The following TMEFF2 variants were observed in gnomAD, a reference collection of about 807,000 sequenced individuals.
TMEFF2 encodes the protein transmembrane protein with EGF like and two follistatin like domains 2.
A neutral mutation model predicts 53.8 loss-of-function variants in TMEFF2; 28 were observed. The observed-to-expected ratio is 0.52, with a 90% CI of 0.39 to 0.71. The LOEUF (loss-of-function observed/expected upper bound fraction) is 0.71. TMEFF2 is among the 30% of genes least tolerant of loss of function. The pLI is 0.00. For missense variants in TMEFF2, 353 were observed against 455.2 expected (o/e 0.78, Z 2.04); for synonymous variants, 162 against 166.3 (o/e 0.97, Z 0.20).
At chr2:192,136,626 G>A (rs150340008) in intron 4 of TMEFF2, among the ~76,000 whole-genome samples, 19 of 152,012 alleles carry the variant, frequency 1.2e-4, no homozygotes, top group African/African-American at 2.4e-4. Flanking sequence ...CATTCTTTGC[G>A]GATTATTTCT....
intron 4 of TMEFF2, among the ~76,000 whole-genome samples, chr2:192,093,170 T>C (rs1235229940): frequency 6.6e-6 from 1 of 152,162 alleles, no homozygotes; most frequent in African/African-American, 2.4e-5. Context: ...GATGCTCTCC[T>C]TACCCAGTGT....
chr2:192,028,101 A>G (rs986462804), intron 5 of TMEFF2: 3 of 151,378 alleles, frequency 2.0e-5, no homozygotes, highest in Non-Finnish European at 4.4e-5. Context: ...GTGATAGTGA[A>G]TGAGTCTCAT....
chr2:192,012,633 T>C (rs1686656446), intron 5 of TMEFF2, among the ~76,000 whole-genome samples: 1 of 152,220 alleles, frequency 6.6e-6, no homozygotes, highest in Non-Finnish European at 1.5e-5. Context: ...TTCTCTAATT[T>C]AGGATTTTTT....
chr2:192,144,660 A>C (rs1366983326), intron 4 of TMEFF2, among the ~76,000 whole-genome samples: 1 of 152,104 alleles, frequency 6.6e-6, no homozygotes, highest in Non-Finnish European at 1.5e-5. Flanking sequence ...GAGCAAAAGC[A>C]AATGACAAAA....
chr2:191,950,016 A>T lies in TMEFF2; in HGVS notation c.*295T>A. 9.0e-7 allele frequency: 1 copy of T among 1,116,708 alleles called. No homozygotes were observed. The highest frequency in any genetic ancestry group is 1.1e-6 in the Non-Finnish European group (1 of 908,210). 69.2% of individuals were successfully genotyped at this position (1,116,708 alleles called of 1,614,324 possible). A position where few individuals can be genotyped will look rare whatever the true frequency, so the allele number is the denominator to read the frequency against. The stretch of plus-strand genomic sequence containing the variant: ...AGATACCGCAAATTTAAGAATGCCA[A>T]TTTTTTCTCATCACTGAGTATTTAT... On this transcript the variant is annotated 3_prime_UTR_variant, in exon 10 of 10. Transcript: ENST00000272771.
chr2:192,053,907 C>T (rs918115274), intron 5 of TMEFF2, among the ~76,000 whole-genome samples: 1 of 152,252 alleles, frequency 6.6e-6, no homozygotes, highest in African/African-American at 2.4e-5. Context: ...AATATGTTAA[C>T]ATACAAAGGT....
At chr2:192,016,375 A>G (rs575385618) in intron 5 of TMEFF2, among the ~76,000 whole-genome samples, 1 of 152,336 alleles carries the variant, frequency 6.6e-6, no homozygotes, top group East Asian at 1.9e-4. Context: ...TTTGGACACT[A>G]CAGTTTGATC....
intron 4 of TMEFF2, among the ~76,000 whole-genome samples, chr2:192,137,656 A>C (rs961428663): frequency 3.3e-5 from 5 of 151,972 alleles, no homozygotes; most frequent in Non-Finnish European, 7.4e-5. Flanking sequence ...GTTCTCAGGC[A>C]AAACAATCTT....
chr2:191,977,758 AAC>A (rs1685767266), intron 7 of TMEFF2, among the ~76,000 whole-genome samples: 1 of 152,224 alleles, frequency 6.6e-6, no homozygotes, highest in Admixed American at 6.5e-5. Context: ...ATCTCTTAGA[AAC>A]AGAGTTGCTG....
chr2:191,965,426 CAA>C (rs1489734068), intron 7 of TMEFF2, among the ~76,000 whole-genome samples: 1 of 152,168 alleles, frequency 6.6e-6, no homozygotes, highest in African/African-American at 2.4e-5. Flanking sequence ...CATATGTCAG[CAA>C]ATCACCATGC....
At chr2:191,990,761 G>A (rs942056404) in intron 7 of TMEFF2, among the ~76,000 whole-genome samples, 11 of 131,074 alleles carry the variant, frequency 8.4e-5, no homozygotes, top group African/African-American at 3.2e-4. Flanking sequence ...ATCTCTTTGC[G>A]GGGTGTGTGT....
chr2:192,090,009 T>C (rs982999638), intron 4 of TMEFF2, among the ~76,000 whole-genome samples: 2 of 152,202 alleles, frequency 1.3e-5, no homozygotes, highest in African/African-American at 4.8e-5. Context: ...ACTGCAATGA[T>C]GTTCTACATC....
Position 191,950,421 on chromosome 2 carries a change from A to G in TMEFF2, c.1029-14T>C, listed in dbSNP as rs372894831. ...CTGGGGCATTTCCTGGAAGGTTGGA[A>G]AGTTTACAAATCTCAGTCCAATGCT... On this transcript the variant is annotated splice_polypyrimidine_tract_variant and intron_variant, in intron 9 of 9. Coordinates refer to ENST00000272771, the MANE Select transcript of TMEFF2 (RefSeq NM_016192.4). 1.2e-6 allele frequency: 2 copies of G among 1,614,012 alleles called. No individual in the cohort carries two copies. Among genetic ancestry groups the G allele is most frequent in the Non-Finnish European group, 1.7e-6 (2 of 1,179,930 alleles).
intron 3 of TMEFF2, among the ~76,000 whole-genome samples, chr2:192,181,271 T>C (rs1403231605): frequency 6.6e-6 from 1 of 151,788 alleles, no homozygotes; most frequent in Non-Finnish European, 1.5e-5. Flanking sequence ...ATTTGAAAGT[T>C]TAATTCAGTA....
intron 4 of TMEFF2, among the ~76,000 whole-genome samples, chr2:192,106,311 T>A (rs1432298467): frequency 6.6e-6 from 1 of 151,764 alleles, no homozygotes; most frequent in Non-Finnish European, 1.5e-5. Context: ...ATAAACTATG[T>A]ACTACTTTGT....
intron 4 of TMEFF2, among the ~76,000 whole-genome samples, chr2:192,112,223 A>T (rs567230382): frequency 6.6e-6 from 1 of 152,164 alleles, no homozygotes; most frequent in Non-Finnish European, 1.5e-5. Flanking sequence ...ACTCAACACT[A>T]GGCCGTGAAA....
At chr2:192,139,934 A>G (rs1690097217) in intron 4 of TMEFF2, among the ~76,000 whole-genome samples, 1 of 152,196 alleles carries the variant, frequency 6.6e-6, no homozygotes, top group Non-Finnish European at 1.5e-5. Flanking sequence ...GCTCTGCTCC[A>G]TTCAGTTCAA....
chr2:192,185,559 C>T (rs189505757), intron 2 of TMEFF2, among the ~76,000 whole-genome samples: 2 of 151,826 alleles, frequency 1.3e-5, no homozygotes, highest in East Asian at 3.9e-4. Flanking sequence ...CAAAATAAAC[C>T]AATAATACAG....
chr2:192,147,572 C>A (rs1484770863), intron 4 of TMEFF2, among the ~76,000 whole-genome samples: 4 of 151,510 alleles, frequency 2.6e-5, no homozygotes, highest in Admixed American at 1.3e-4. Context: ...TGAGTGAGAA[C>A]ATGCAGTGTT....
Sources: allele counts gnomAD v4.1 joint callset (sites outside exome capture counted in the v4.1 genomes callset), GRCh38; gene constraint gnomAD v4.1.1; transcripts MANE v1.5; gene names NCBI Gene and HGNC (gene_info 2026-07-23, HGNC 2026-07-21).